SIRT5: variants seen among roughly 807,000 people sequenced by gnomAD.
The protein encoded by SIRT5 is sirtuin 5.
SIRT5 carries 26 observed loss-of-function variants against 40.0 expected under a neutral mutation model. That is an observed-to-expected ratio of 0.65 (90% CI 0.48 to 0.90). The LOEUF is 0.90. Ranked by LOEUF, SIRT5 falls within the 40% of genes least tolerant of loss-of-function variation. SIRT5 has a pLI of 0.00. For missense variants in SIRT5, 401 were observed against 402.4 expected, an observed-to-expected ratio of 1.00 and a Z score of 0.03; for synonymous variants, 146 against 149.1, an observed-to-expected ratio of 0.98 and a Z score of 0.15.
rs778680324 is a variant in SIRT5 at position 13,599,118 on chromosome 6, T to C, written c.704T>C (p.Val235Ala). Residue 235 changes from valine to alanine, a missense_variant, in exon 8 of 10, where the codon GTT becomes GCT. By Grantham distance (64) the Val-to-Ala change is moderately conservative. Coordinates refer to ENST00000606117, the MANE Select transcript of SIRT5 (RefSeq NM_012241.5). ...ENLDPAILEE[V>A]DRELAHCDLC... is the part of the protein sequence containing the mutation. ...CTGGATCCTGCCATTCTGGAGGAGG[T>C]TGACAGAGAGCTCGCCCACTGTGAT... 2 of 1,613,990 alleles carry C rather than the reference T, an allele frequency of 1.2e-6. No homozygotes were observed. Among genetic ancestry groups the C allele is most frequent in the Non-Finnish European group, 1.7e-6 (2 of 1,179,958 alleles).
chr6:13,609,878 T>C (rs1467210397), intron 9 of SIRT5, among the ~76,000 whole-genome samples: 1 of 152,220 alleles, frequency 6.6e-6, no homozygotes, highest in Non-Finnish European at 1.5e-5. Flanking sequence ...TAAATTTTAC[T>C]TTTTCAATGT....
chr6:13,599,548 A>G lies in SIRT5; in HGVS notation c.741+393A>G, dbSNP rs1236885637. ...ATTAGAAATCGCCCATAGTTCTGCT[A>G]TCCAGAAATAGTTACCGTTAGCAGT... On this transcript the variant is annotated intron_variant, in intron 8 of 9. Coordinates refer to ENST00000606117, the MANE Select transcript of SIRT5 (RefSeq NM_012241.5). 2.6e-5 allele frequency among the ~76,000 whole-genome samples: 4 copies of G among 152,378 alleles called. No individual in the cohort carries two copies. The East Asian group carries it at 7.7e-4, about 29-fold the overall frequency.
chr6:13,598,978 G>T, intron 7 of SIRT5, 54 bp from the exon 8 acceptor site: 1 of 1,598,736 alleles, frequency 6.3e-7, no homozygotes, highest in South Asian at 1.1e-5. Context: ...GCCTCCCTCC[G>T]ATCCAGCTGG....
chr6:13,585,784 T>C (rs1759995258), intron 3 of SIRT5, among the ~76,000 whole-genome samples: 1 of 152,180 alleles, frequency 6.6e-6, no homozygotes. Context: ...GGTGAAATGG[T>C]ATTTCTAGTT....
intron 4 of SIRT5, among the ~76,000 whole-genome samples, chr6:13,590,769 G>T (rs569300944): frequency 1.3e-4 from 19 of 151,522 alleles, no homozygotes. Flanking sequence ...GTATGTAGAT[G>T]TGTGTATATG....
At chr6:13,575,617 G>T (rs1367805755) in intron 1 of SIRT5, among the ~76,000 whole-genome samples, 1 of 151,926 alleles carries the variant, frequency 6.6e-6, no homozygotes, top group Admixed American at 6.6e-5. Flanking sequence ...ATACATTGTA[G>T]AAAGATTAAA....
At chr6:13,594,725 G>A (rs988648176) in intron 5 of SIRT5, among the ~76,000 whole-genome samples, 3 of 152,386 alleles carry the variant, frequency 2.0e-5, no homozygotes, top group African/African-American at 7.2e-5. Context: ...AGGAAGGACT[G>A]GTGGGCAGGA....
chr6:13,605,086 G>C (rs993404113), intron 9 of SIRT5: 1 of 985,888 alleles, frequency 1.0e-6, no homozygotes, highest in African/African-American at 1.7e-5. Context: ...GAGCAATTGA[G>C]AGGACTGTTT....
rs1764038692 is a variant in SIRT5, at chr6:13,612,573, C to T, written c.*708C>T. 1 of 152,282 alleles carries T rather than the reference C, an allele frequency of 6.6e-6. No individual in the cohort carries two copies. The allele number at this position is 152,282 out of a possible 1,614,324, so 9.4% of individuals were successfully genotyped here. On this transcript the variant is annotated 3_prime_UTR_variant, in exon 10 of 10. Transcript: ENST00000606117. ...CAGGCTGGTCTTAAACTCTCGACCT[C>T]AGGTGATCTGCCCGCCTCGGCCTCC...
intron 2 of SIRT5, among the ~76,000 whole-genome samples, chr6:13,582,611 C>CAA (rs756756300): frequency 0.28 from 34,460 of 121,672 alleles, 4,738 homozygotes; most frequent in Admixed American, 0.31. Flanking sequence ...TGCCTCCCAC[C>CAA]AAAAAAAAAA....
At chr6:13,583,076 C>T (rs1343158713) in intron 2 of SIRT5, among the ~76,000 whole-genome samples, 2 of 151,850 alleles carry the variant, frequency 1.3e-5, no homozygotes, top group South Asian at 2.1e-4. Flanking sequence ...CATGGTGGCG[C>T]GTGCCTGTAG....
intron 3 of SIRT5, among the ~76,000 whole-genome samples, chr6:13,586,789 T>C (rs538704884): frequency 1.3e-5 from 2 of 152,302 alleles, no homozygotes; most frequent in East Asian, 1.9e-4. Context: ...TCTGGGCTTA[T>C]GAGGATGAGT....
rs1263660868 is a variant in SIRT5, at chr6:13,607,696, T to G, written c.858-4094T>G. Among the ~76,000 whole-genome samples the G allele has an allele frequency of 6.6e-6, 1 of 152,216 alleles. No individual in the cohort carries two copies. Among genetic ancestry groups the G allele is most frequent in the African/African-American group, 2.4e-5 (1 of 41,464 alleles). On this transcript the variant is annotated intron_variant, in intron 9 of 9. Coordinates refer to ENST00000606117, the MANE Select transcript of SIRT5 (RefSeq NM_012241.5). This position sits in a 1 kb window ranked among gnomAD's most constrained non-coding sequence, Gnocchi z 4.0. ...TTTTAAAAGTTGACATCTAAGGTTT[T>G]TTAAATCAAATATAGTTGGAGATGT...
At chr6:13,611,246 CAT>C (rs1167988414) in intron 9 of SIRT5, among the ~76,000 whole-genome samples, 20 of 119,414 alleles carry the variant, frequency 1.7e-4, no homozygotes, top group Admixed American at 7.2e-4. Context: ...TACACACACA[CAT>C]ACACACACAC....
At chr6:13,603,294 A>C (rs1286312754) in intron 9 of SIRT5, among the ~76,000 whole-genome samples, 2 of 151,500 alleles carry the variant, frequency 1.3e-5, no homozygotes, top group African/African-American at 4.8e-5. Context: ...AAAAAAAAAA[A>C]AAGACAACCC....
intron 3 of SIRT5, 132 bp downstream of exon 3, chr6:13,584,357 T>C: frequency 1.5e-6 from 1 of 669,350 alleles, no homozygotes; most frequent in Non-Finnish European, 2.6e-6. Flanking sequence ...TGTCATCTTC[T>C]CTTTTTTTTT....
At chr6:13,605,530 CTTACACAAG>C in intron 9 of SIRT5, 1 of 985,430 alleles carries the variant, frequency 1.0e-6, no homozygotes, top group Non-Finnish European at 1.2e-6. Flanking sequence ...CACCTTAGGC[CTTACACAAG>C]TTGTTCAGAT....
In SIRT5 at chr6:13,612,952, A is replaced by G. The variant is rs535552370; in HGVS notation, c.*1087A>G. ...CTCTGCTGGGAGTTTTTTCCATGGGACTTTAAAAAATGATGCCCTTAGGTT... is the reference window on the plus strand; with the variant it reads ...CTCTGCTGGGAGTTTTTTCCATGGGGCTTTAAAAAATGATGCCCTTAGGTT... On this transcript the variant is annotated 3_prime_UTR_variant, in exon 10 of 10. Coordinates refer to ENST00000606117, the MANE Select transcript of SIRT5 (RefSeq NM_012241.5). 1 of 152,094 alleles carries G rather than the reference A, an allele frequency of 6.6e-6. No homozygotes were observed. The highest frequency in any genetic ancestry group is 2.4e-5 in the African/African-American group (1 of 41,470). 9.4% of individuals were successfully genotyped at this position (152,094 alleles called of 1,614,324 possible). A position where few individuals can be genotyped will look rare whatever the true frequency, so the allele number is the denominator to read the frequency against.
chr6:13,601,616 T>A (rs563620911), intron 9 of SIRT5, among the ~76,000 whole-genome samples: 1 of 152,254 alleles, frequency 6.6e-6, no homozygotes, highest in East Asian at 1.9e-4. Flanking sequence ...TATAAATGAA[T>A]AAAATAGAAA....
Sources: allele counts gnomAD v4.1 joint callset (sites outside exome capture counted in the v4.1 genomes callset), GRCh38; gene constraint gnomAD v4.1.1; non-coding constraint Gnocchi (gnomAD v3.1); transcripts MANE v1.5; gene names NCBI Gene and HGNC (gene_info 2026-07-23, HGNC 2026-07-21).